The following USP6 variants were observed in gnomAD, a reference collection of about 807,000 sequenced individuals.
USP6 encodes ubiquitin specific peptidase 6.
A neutral mutation model predicts 175.7 loss-of-function variants in USP6; 128 were observed. The ratio of observed to expected loss-of-function variants is 0.73; its 90% CI spans 0.63 to 0.84. USP6 has a LOEUF of 0.84. Among genes scored for constraint, USP6 ranks in the 40% least tolerant of loss-of-function variants. The pLI, the probability that USP6 is intolerant of heterozygous loss-of-function variation, is 0.00. For missense variants in USP6, 1,498 were observed against 1,760.3 expected, an observed-to-expected ratio of 0.85 and a Z score of 2.67; for synonymous variants, 562 against 630.6, an observed-to-expected ratio of 0.89 and a Z score of 1.63.
At chr17:5,140,972 G>T (rs1363503425) in intron 22 of USP6, among the ~76,000 whole-genome samples, 1 of 152,198 alleles carries the variant, frequency 6.6e-6, no homozygotes, top group Non-Finnish European at 1.5e-5. Context: ...AAGAGATAAA[G>T]TCTCACTCTG....
At chr17:5,166,001 A>G (rs928700784) in intron 33 of USP6, among the ~76,000 whole-genome samples, 2 of 152,254 alleles carry the variant, frequency 1.3e-5, no homozygotes, top group Non-Finnish European at 2.9e-5. Flanking sequence ...GGTTGGCCAT[A>G]AAGTATTCCT....
chr17:5,142,355 T>G, intron 24 of USP6, 42 bp from the exon 25 acceptor site: 1 of 1,596,970 alleles, frequency 6.3e-7, no homozygotes, highest in Non-Finnish European at 8.6e-7. Context: ...GATTGTGATT[T>G]ATGAGAATCT....
intron 31 of USP6, among the ~76,000 whole-genome samples, chr17:5,160,333 T>A (rs2073980102): frequency 6.6e-6 from 1 of 152,204 alleles, no homozygotes; most frequent in Non-Finnish European, 1.5e-5. Flanking sequence ...ATTTGCCAGA[T>A]GAGCTGTAAA....
intron 25 of USP6, among the ~76,000 whole-genome samples, chr17:5,143,460 A>G (rs891357593): frequency 1.3e-5 from 2 of 151,640 alleles, no homozygotes; most frequent in African/African-American, 4.8e-5. Flanking sequence ...CTTACCCCCA[A>G]CCCTGTGCTC....
Position 5,133,953 on chromosome 17 carries a change from A to G in USP6, c.451A>G (p.Thr151Ala). ...CCACATCGACCTGGACGTGAGGACG[A>G]CTCTCCGGAACCATGTCTTCTTTAG... ...IHHIDLDVRT[T>A]LRNHVFFRDR... The change falls in exon 15 of 38, where the codon ACT (threonine) becomes GCT (alanine). Residue 151 changes from threonine to alanine, a missense_variant. Physicochemically the swap from Thr to Ala is moderately conservative, Grantham distance 58. Coordinates refer to ENST00000574788, the MANE Select transcript of USP6 (RefSeq NM_001304284.2). 1 of 1,613,852 alleles carries G rather than the reference A, an allele frequency of 6.2e-7. No homozygotes were observed. The highest frequency in any genetic ancestry group is 8.5e-7 in the Non-Finnish European group (1 of 1,179,970).
intron 15 of USP6, 56 bp from the exon 16 acceptor site, chr17:5,135,178 T>G: frequency 6.3e-7 from 1 of 1,582,828 alleles, no homozygotes; most frequent in East Asian, 2.3e-5. Context: ...GTAGACAAAG[T>G]GAAACTAACA....
In USP6 at chr17:5,136,521, G is replaced by C. The variant is rs2073258314; in HGVS notation, c.665-119G>C. On this transcript the variant is annotated intron_variant, in intron 17 of 37. Transcript: ENST00000574788. ...CAAAGGCCGCATGGTAGGGTCACCA[G>C]ATGGGAGGGCGGGAGGCCTTGGGGT... 36 of 1,304,906 alleles carry C rather than the reference G, an allele frequency of 2.8e-5. No individual in the cohort carries two copies. In the South Asian group the frequency reaches 4.5e-4, roughly 16 times the overall value. 80.8% of individuals were successfully genotyped at this position (1,304,906 alleles called of 1,614,324 possible).
At chr17:5,136,078 A>G (rs2073244660) in intron 17 of USP6, 150 bp downstream of exon 17, 17 of 1,463,452 alleles carry the variant, frequency 1.2e-5, no homozygotes, top group Non-Finnish European at 1.5e-5. Context: ...GTCCCACAGG[A>G]GTCCGCAGCT....
At chr17:5,159,023 G>T (rs1292692839) in intron 31 of USP6, among the ~76,000 whole-genome samples, 1 of 152,154 alleles carries the variant, frequency 6.6e-6, no homozygotes, top group Non-Finnish European at 1.5e-5. Context: ...GTATTTCATT[G>T]CATAGTTCTC....
rs1212394441 is a variant in USP6 at position 5,172,403 on chromosome 17, T to C, written c.4048-402T>C. Reference sequence around the variant, plus strand: ...AAAATTAGCCAGATGTGGTGGCACATGCCTGTAGTCCCAGCTGCTCGGGAG... The same window carrying C: ...AAAATTAGCCAGATGTGGTGGCACACGCCTGTAGTCCCAGCTGCTCGGGAG... On this transcript the variant is annotated intron_variant, in intron 37 of 37. Transcript: ENST00000574788. Among the ~76,000 whole-genome samples, 15 of 151,944 alleles carry C rather than the reference T, an allele frequency of 9.9e-5. No homozygotes were observed. The East Asian group carries it at 1.9e-3, about 20-fold the overall frequency.
At chr17:5,134,861 G>T (rs143518649) in intron 15 of USP6, 21,754 of 339,670 alleles carry the variant, frequency 0.064, 864 homozygotes, top group East Asian at 0.15. Context: ...GGTGCATAGG[G>T]GAAACCCTGG....
At position 5,172,841 on chromosome 17, in the gene USP6, T is replaced by C. The variant is rs562107385; in HGVS notation, c.4084T>C (p.Tyr1362His). 1.4e-5 allele frequency: 22 copies of C among 1,613,932 alleles called. No individual in the cohort carries two copies. The African/African-American group carries it at 2.4e-4, about 18-fold the overall frequency. The change falls in exon 38 of 38, where the codon TAC (tyrosine) becomes CAC (histidine). Residue 1362 changes from tyrosine (Y) to histidine (H), a missense_variant. Tyr to His is a moderately conservative substitution (Grantham distance 83, BLOSUM62 2). This residue lies in a region of USP6 where 1,217 missense variants were observed against 1,500.8 expected (regional missense o/e 0.81). Coordinates refer to ENST00000574788, the MANE Select transcript of USP6 (RefSeq NM_001304284.2). ...TGATGAAATTGACACCGACTCTGCC[T>C]ACATTCTTTTCTATGAGCAGCAGGG... ...HPDEIDTDSAYILFYEQQGID... is the reference protein window; with the variant it reads ...HPDEIDTDSAHILFYEQQGID...
At position 5,139,526 on chromosome 17, in the gene USP6, G is replaced by A. The variant is rs745504488; in HGVS notation, c.1350G>A (p.Glu450=). 1.2e-6 allele frequency: 2 copies of A among 1,613,700 alleles called. No homozygotes were observed. Among genetic ancestry groups the A allele is most frequent in the Admixed American group, 1.7e-5 (1 of 60,012 alleles). ...GGPQGSWRFL[E]WKSMPRLPTD... ...CTCAGGGTTCCTGGAGATTCCTGGA[G>A]TGGAAGTCAATGCCCCGGCTCCCAA... The change falls in exon 22 of 38, where the codon GAG becomes GAA. Residue 450 remains glutamate (E), a synonymous_variant. Coordinates refer to ENST00000574788, the MANE Select transcript of USP6 (RefSeq NM_001304284.2).
intron 11 of USP6, among the ~76,000 whole-genome samples, chr17:5,131,270 T>A (rs2073058753): frequency 6.6e-6 from 1 of 150,800 alleles, no homozygotes. Context: ...CAGCAGGGCT[T>A]GTGACTAAAG....
intron 1 of USP6, among the ~76,000 whole-genome samples, chr17:5,117,095 C>T (rs1419856241): frequency 6.6e-6 from 1 of 152,212 alleles, no homozygotes; most frequent in Non-Finnish European, 1.5e-5. Flanking sequence ...TCCTTTTTGG[C>T]ACTTATGGTT....
intron 5 of USP6, among the ~76,000 whole-genome samples, 183 bp from the exon 6 acceptor site, chr17:5,125,638 G>A (rs2072860892): frequency 6.9e-6 from 1 of 144,160 alleles, no homozygotes; most frequent in African/African-American, 2.7e-5. Flanking sequence ...CCTGTCCACT[G>A]TAACCCTTGC....
rs2072533496 is a variant in USP6 at position 5,116,231 on chromosome 17, C to T, written c.-2437C>T. ...GCGCTCGAGACGCTCATTGAGAGGA[C>T]TTCCCGCCTGCGGGCTCTCTGCTCG... On this transcript the variant is annotated 5_prime_UTR_variant, in exon 1 of 38. Transcript: ENST00000574788. Among the ~76,000 whole-genome samples, 1 of 152,230 alleles carries T rather than the reference C, an allele frequency of 6.6e-6. No individual in the cohort carries two copies. Among genetic ancestry groups the T allele is most frequent in the African/African-American group, 2.4e-5 (1 of 41,466 alleles).
Position 5,172,951 on chromosome 17 carries a change from T to C in USP6, c.4194T>C (p.Asp1398=). The change falls in exon 38 of 38, where the codon GAT becomes GAC. Residue 1398 remains aspartate, a synonymous_variant. Coordinates refer to ENST00000574788, the MANE Select transcript of USP6 (RefSeq NM_001304284.2). ...GTACGGATGAAGACTCTGAGTCTGA[T>C]TACGAAAAGTACTCTATGTTACAGT... ...TSSTDEDSES[D]YEKYSMLQ 1.2e-6 allele frequency: 2 copies of C among 1,613,940 alleles called. No individual in the cohort carries two copies. Among genetic ancestry groups the C allele is most frequent in the Non-Finnish European group, 1.7e-6 (2 of 1,179,846 alleles).
chr17:5,147,757 C>A (rs2073651813), intron 29 of USP6, among the ~76,000 whole-genome samples: 2 of 152,206 alleles, frequency 1.3e-5, no homozygotes, highest in Admixed American at 6.5e-5. Flanking sequence ...TAATAGAATT[C>A]TGCAGTGGTG....
Sources: gnomAD v4.1 joint callset for allele counts (sites outside exome capture counted in the v4.1 genomes callset) on GRCh38, gnomAD v4.1.1 for gene constraint, gnomAD v4.1.1 regional missense constraint, MANE v1.5 for transcripts, NCBI Gene and HGNC (gene_info 2026-07-23, HGNC 2026-07-21) for gene names.